The following AS3MT variants were observed in gnomAD, a reference collection of about 807,000 sequenced individuals.
The protein encoded by AS3MT is arsenite methyltransferase.
AS3MT carries 47 observed loss-of-function variants against 45.3 expected under a neutral mutation model. The observed-to-expected ratio is 1.04, with a 90% CI of 0.82 to 1.32. The LOEUF (loss-of-function observed/expected upper bound fraction) is 1.32, where lower values mean the gene tolerates loss of function less well. AS3MT is among the 40% of genes most tolerant of loss of function. The pLI is 0.00. For synonymous variants in AS3MT, 141 were observed against 152.8 expected, an observed-to-expected ratio of 0.92 and a Z score of 0.57; for missense variants, 396 against 451.1, an observed-to-expected ratio of 0.88 and a Z score of 1.11.
chr10:102,898,590 A>C (rs896699436), intron 10 of AS3MT, among the ~76,000 whole-genome samples: 1 of 152,172 alleles, frequency 6.6e-6, no homozygotes, highest in African/African-American at 2.4e-5. Flanking sequence ...ACTCCCTCTC[A>C]AAAACAAAAA....
In AS3MT at chr10:102,878,472, T is replaced by C. The variant is rs779354277; in HGVS notation, c.704T>C (p.Leu235Pro). 42 of 1,614,006 alleles carry C rather than the reference T, an allele frequency of 2.6e-5. No individual in the cohort carries two copies. In the South Asian group the frequency reaches 4.6e-4, roughly 18 times the overall value. ...CCTCCACGTTTGGTCACTGCCAATC[T>C]CATTACAATTCAAAACAAGGAACTG... ...FCPPRLVTAN[L>P]ITIQNKELER... Residue 235 changes from leucine (L) to proline (P), a missense_variant, in exon 8 of 11, where the codon CTC (leucine) becomes CCC (proline). Coordinates refer to ENST00000369880, the MANE Select transcript of AS3MT (RefSeq NM_020682.4).
intron 9 of AS3MT, among the ~76,000 whole-genome samples, chr10:102,889,614 G>GCCTGCCTGCCTTCGTT (rs559139049): frequency 8.8e-6 from 1 of 113,954 alleles, no homozygotes; most frequent in African/African-American, 3.1e-5. Context: ...CTGTCTGCCT[G>GCCTGCCTGCCTTCGTT]CCTTCCTTCC....
At chr10:102,875,242 C>A (rs574532041) in intron 6 of AS3MT, among the ~76,000 whole-genome samples, 2 of 151,946 alleles carry the variant, frequency 1.3e-5, no homozygotes, top group Non-Finnish European at 2.9e-5. Flanking sequence ...TGTGGGAGGC[C>A]GAGGCGGGCA....
chr10:102,872,507 TG>T lies in AS3MT; in HGVS notation c.233del (p.Gly78ValfsTer21). 1 of 1,614,112 alleles carries T rather than the reference TG, an allele frequency of 6.2e-7. No homozygotes were observed. Among genetic ancestry groups the T allele is most frequent in the Non-Finnish European group, 8.5e-7 (1 of 1,179,988 alleles). On this transcript the variant is annotated frameshift_variant, in exon 4 of 11. Coordinates refer to ENST00000369880, the MANE Select transcript of AS3MT (RefSeq NM_020682.4). LOFTEE classifies it high-confidence loss of function. Reference sequence around the variant, plus strand: ...CTAGAAAACTGCTGGATTTTGGATCTGGGTAGTGGAAGTGGCAGAGATTGCT... The same window carrying T: ...CTAGAAAACTGCTGGATTTTGGATCTGGTAGTGGAAGTGGCAGAGATTGCT... ...EHLENCWILD[L>X]GSGSGRDCYV...
intron 10 of AS3MT, among the ~76,000 whole-genome samples, chr10:102,893,947 T>C (rs1302957019): frequency 6.6e-6 from 1 of 152,074 alleles, no homozygotes; most frequent in Non-Finnish European, 1.5e-5. Context: ...CCTAGAACTT[T>C]CAAATTCGCT....
At chr10:102,879,768 C>CAAA (rs1191489555) in intron 9 of AS3MT, among the ~76,000 whole-genome samples, 2 of 60,646 alleles carry the variant, frequency 3.3e-5, no homozygotes. Flanking sequence ...GACTCCATCT[C>CAAA]AAAAAAAAAA....
intron 9 of AS3MT, among the ~76,000 whole-genome samples, chr10:102,882,656 C>A (rs1269303661): frequency 6.6e-6 from 1 of 152,030 alleles, no homozygotes; most frequent in Non-Finnish European, 1.5e-5. Context: ...GTGACTCAAT[C>A]TCAGCTCACT....
In AS3MT at chr10:102,900,667, T is replaced by C. The variant is rs1290194363; in HGVS notation, c.1095T>C (p.Ala365=). 6.2e-7 allele frequency: 1 copy of C among 1,614,150 alleles called. No homozygotes were observed. The highest frequency in any genetic ancestry group is 1.7e-5 in the Admixed American group (1 of 60,010). The change falls in exon 11 of 11, where the codon GCT becomes GCC. Residue 365 remains alanine (A), a synonymous_variant. Coordinates refer to ENST00000369880, the MANE Select transcript of AS3MT (RefSeq NM_020682.4). The part of the protein sequence containing the change: ...SMKSRCVPDA[A]GGCCGTKKSC ...AGTCCAGATGTGTCCCTGATGCTGC[T>C]GGAGGCTGCTGTGGCACAAAGAAAA...
At chr10:102,887,996 G>C (rs1209909280) in intron 9 of AS3MT, 1 of 155,910 alleles carries the variant, frequency 6.4e-6, no homozygotes, top group Non-Finnish European at 1.5e-5. Flanking sequence ...TTTGGAAAAA[G>C]GTACCTCAGA....
Position 102,877,000 on chromosome 10 carries a change from T to G in AS3MT, c.575T>G (p.Leu192Arg). ...AGTGACGTCTATACGAGCCTTGAACTGCCAGAAGAAATCAGGACACACAAA... is the reference window on the plus strand; with the variant it reads ...AGTGACGTCTATACGAGCCTTGAACGGCCAGAAGAAATCAGGACACACAAA... ...YFSDVYTSLE[L>R]PEEIRTHKVL... Residue 192 changes from leucine (L) to arginine (R), a missense_variant, in exon 7 of 11, where the codon CTG becomes CGG. By Grantham distance (102) the Leu-to-Arg change is moderately radical. Transcript: ENST00000369880. 1 of 1,614,204 alleles carries G rather than the reference T, an allele frequency of 6.2e-7. No homozygotes were observed. Among genetic ancestry groups the G allele is most frequent in the South Asian group, 1.1e-5 (1 of 91,090 alleles).
intron 6 of AS3MT, among the ~76,000 whole-genome samples, chr10:102,875,476 C>CAAAAAAAA (rs35877885): frequency 2.5e-5 from 1 of 39,664 alleles, no homozygotes. Context: ...GACTCCATCT[C>CAAAAAAAA]AAAAAAAAAA....
rs760664254 is a variant in AS3MT at position 102,870,131 on chromosome 10, C to T, written c.90C>T (p.Asn30=). 6.2e-6 allele frequency: 10 copies of T among 1,614,012 alleles called. No homozygotes were observed. In the Admixed American group the frequency reaches 1.3e-4, roughly 22 times the overall value. The change falls in exon 3 of 11, where the codon AAC becomes AAT. Residue 30 remains asparagine (N), a synonymous_variant. Coordinates refer to ENST00000369880, the MANE Select transcript of AS3MT (RefSeq NM_020682.4). ...VLKRSADLQT[N]GCVTTARPVP... ...AGAGATCGGCAGACCTCCAGACCAA[C>T]GGCTGTGTCACCACAGCCAGGCCGG...
chr10:102,888,866 TATATA>T (rs1235997890), intron 9 of AS3MT, among the ~76,000 whole-genome samples: 63 of 90,204 alleles, frequency 7.0e-4, no homozygotes, highest in Non-Finnish European at 9.1e-4. Context: ...TATATATATA[TATATA>T]TATATATATA....
rs1049548098 is a variant in AS3MT, at chr10:102,872,672, C to T, written c.321+74C>T. 5.4e-5 allele frequency: 80 copies of T among 1,475,028 alleles called. 1 individual carries two copies. The highest frequency in any genetic ancestry group is 6.5e-5 in the Non-Finnish European group (71 of 1,097,110). The allele number at this position is 1,475,028 out of a possible 1,614,324, so 91.4% of individuals were successfully genotyped here. A position where few individuals can be genotyped will look rare whatever the true frequency, so the allele number is the denominator to read the frequency against. On this transcript the variant is annotated intron_variant, in intron 4 of 10. Transcript: ENST00000369880. ...ATTTGAAAAATAAAGTTGTTTTCTT[C>T]GTGGCTCTTCAAGGATAATTTAAGA...
chr10:102,871,185 A>G (rs1252417552), intron 3 of AS3MT, among the ~76,000 whole-genome samples: 1 of 151,774 alleles, frequency 6.6e-6, no homozygotes, highest in African/African-American at 2.4e-5. Context: ...CGGAGGTCGC[A>G]GTGAGCGGAG....
rs1363223825 is a variant in AS3MT, at chr10:102,870,172, G to C, written c.131G>C (p.Arg44Pro). The change falls in exon 3 of 11, where the codon CGG becomes CCG. Residue 44 changes from arginine (R) to proline (P), a missense_variant. Coordinates refer to ENST00000369880, the MANE Select transcript of AS3MT (RefSeq NM_020682.4). ...GCCAGGCCGGTCCCCAAGCACATCC[G>C]GGAAGCCTTGCAAAATGTACACGAA... ...TTARPVPKHI[R>P]EALQNVHEEV... The C allele has an allele frequency of 6.2e-7, 1 of 1,614,152 alleles. No homozygotes were observed.
intron 9 of AS3MT, among the ~76,000 whole-genome samples, chr10:102,885,775 C>T (rs1318795633): frequency 8.8e-6 from 1 of 113,518 alleles, no homozygotes; most frequent in African/African-American, 3.2e-5. Context: ...GTGATCCGCC[C>T]GCCTCGGCCT....
In AS3MT at chr10:102,876,256, A is replaced by T. The variant is rs1341536052; in HGVS notation, c.529-698A>T. Among the ~76,000 whole-genome samples, 3 of 151,888 alleles carry T rather than the reference A, an allele frequency of 2.0e-5. No individual in the cohort carries two copies. In the East Asian group the frequency reaches 5.8e-4, roughly 29 times the overall value. On this transcript the variant is annotated intron_variant, in intron 6 of 10. Coordinates refer to ENST00000369880, the MANE Select transcript of AS3MT (RefSeq NM_020682.4). ...GTAAATAACAACATTACAAAAAGTT[A>T]TATTTTTTAATAGAAATGGGGTCTT... is the stretch of plus-strand genomic sequence containing the variant.
chr10:102,874,740 A>G, intron 6 of AS3MT, 79 bp downstream of exon 6: 2 of 1,068,134 alleles, frequency 1.9e-6, no homozygotes, highest in Non-Finnish European at 2.8e-6. Context: ...TCCCCCTTGA[A>G]CTAAGAGCTC....
Sources: gnomAD v4.1 joint callset for allele counts (sites outside exome capture counted in the v4.1 genomes callset) on GRCh38, gnomAD v4.1.1 for gene constraint, MANE v1.5 for transcripts, NCBI Gene and HGNC (gene_info 2026-07-23, HGNC 2026-07-21) for gene names.